NTRK2: variants seen among roughly 807,000 people sequenced by gnomAD.
The protein encoded by NTRK2 is BDNF/NT-3 growth factors receptor.
A neutral mutation model predicts 94.5 loss-of-function variants in NTRK2; 13 were observed. That is an observed-to-expected ratio of 0.14 (90% CI 0.09 to 0.22). The LOEUF (loss-of-function observed/expected upper bound fraction) is 0.22. NTRK2 is among the 10% of genes least tolerant of loss of function. NTRK2 has a pLI of 1.00. For missense variants in NTRK2, 639 were observed against 1,071.2 expected, an observed-to-expected ratio of 0.60 and a Z score of 5.63; for synonymous variants, 372 against 407.4, an observed-to-expected ratio of 0.91 and a Z score of 1.05.
chr9:84,954,389 G>C (rs1823851390), intron 16 of NTRK2, among the ~76,000 whole-genome samples: 1 of 152,226 alleles, frequency 6.6e-6, no homozygotes, highest in Non-Finnish European at 1.5e-5. Context: ...TTGCGTGTTA[G>C]GGTGCCCTAA....
chr9:84,903,978 T>C (rs2077005097), intron 14 of NTRK2, among the ~76,000 whole-genome samples: 2 of 152,212 alleles, frequency 1.3e-5, no homozygotes, highest in African/African-American at 4.8e-5. Context: ...AGCTCACAGA[T>C]GCTACAAAAC....
chr9:84,812,347 A>G, intron 12 of NTRK2: 3 of 1,058,866 alleles, frequency 2.8e-6, no homozygotes, highest in Non-Finnish European at 2.3e-6. Context: ...CTTCATACCC[A>G]TGCCTTAAAG....
At chr9:84,907,670 G>A (rs867593314) in intron 14 of NTRK2, among the ~76,000 whole-genome samples, 1 of 150,848 alleles carries the variant, frequency 6.6e-6, no homozygotes, top group Non-Finnish European at 1.5e-5. Flanking sequence ...TTGCCTCTTC[G>A]GAGGCATTAC....
chr9:84,848,218 A>G (rs926164263), intron 12 of NTRK2, among the ~76,000 whole-genome samples: 7 of 152,164 alleles, frequency 4.6e-5, no homozygotes, highest in Non-Finnish European at 8.8e-5. Context: ...TAAAGGCCCT[A>G]TCTCCAAATA....
In NTRK2 at chr9:84,948,455, T is replaced by C. The variant is rs2289658; in HGVS notation, c.1765-7T>C. 0.049 allele frequency: 79,870 copies of C among 1,613,678 alleles called. 2,691 individuals are homozygous for C. Among genetic ancestry groups the C allele is most frequent in the Admixed American group, 0.15 (9,193 of 59,948 alleles). On this transcript the variant is annotated splice_region_variant and splice_polypyrimidine_tract_variant and intron_variant, in intron 15 of 18. Transcript: ENST00000277120. ...AGTAATCCTTCTCTTTTAACACCCA[T>C]CCCCAGACCCTGAAGGATGCCAGTG... is the stretch of plus-strand genomic sequence containing the variant.
At chr9:84,824,502 G>A (rs373387369) in intron 12 of NTRK2, among the ~76,000 whole-genome samples, 3 of 152,242 alleles carry the variant, frequency 2.0e-5, no homozygotes, top group African/African-American at 7.2e-5. Flanking sequence ...AATGCATGGA[G>A]AGAGGGTGGC....
At chr9:84,970,571 G>A (rs180958747) in intron 17 of NTRK2, among the ~76,000 whole-genome samples, 2 of 152,054 alleles carry the variant, frequency 1.3e-5, no homozygotes, top group Non-Finnish European at 2.9e-5. Flanking sequence ...AAGAGCATCA[G>A]GGTGAGTCAG....
intron 12 of NTRK2, among the ~76,000 whole-genome samples, chr9:84,837,961 T>C (rs544684387): frequency 6.5e-4 from 99 of 152,292 alleles, no homozygotes; most frequent in African/African-American, 2.2e-3. Context: ...TTCTGGCTAA[T>C]GGCATAAGAC....
At chr9:84,674,183 T>C (rs1483441178) in intron 2 of NTRK2, among the ~76,000 whole-genome samples, 1 of 152,198 alleles carries the variant, frequency 6.6e-6, no homozygotes, top group Admixed American at 6.5e-5. Context: ...TGTGTATCCA[T>C]GTTGCTGTGG....
At chr9:84,835,590 G>C (rs1378539482) in intron 12 of NTRK2, among the ~76,000 whole-genome samples, 1 of 151,812 alleles carries the variant, frequency 6.6e-6, no homozygotes, top group Non-Finnish European at 1.5e-5. Flanking sequence ...ATGGCCCATT[G>C]GGTTGGCAGA....
intron 12 of NTRK2, among the ~76,000 whole-genome samples, chr9:84,853,697 T>C (rs2074901742): frequency 6.6e-6 from 1 of 152,180 alleles, no homozygotes; most frequent in African/African-American, 2.4e-5. Context: ...CAAATGCTGT[T>C]GGCGTCACCC....
intron 12 of NTRK2, chr9:84,811,743 T>C (rs1375291475): frequency 4.7e-6 from 5 of 1,065,536 alleles, no homozygotes; most frequent in South Asian, 4.5e-5. Flanking sequence ...AATGTCCTTC[T>C]TCATTGCTGA....
At chr9:84,914,847 A>G (rs558110147) in intron 14 of NTRK2, among the ~76,000 whole-genome samples, 2 of 152,306 alleles carry the variant, frequency 1.3e-5, no homozygotes, top group Non-Finnish European at 2.9e-5. Flanking sequence ...CAAAGTCTCC[A>G]GGTAGTCTGC....
At chr9:84,733,808 C>A (rs1345179544) in intron 9 of NTRK2, among the ~76,000 whole-genome samples, 2 of 152,206 alleles carry the variant, frequency 1.3e-5, no homozygotes, top group Admixed American at 6.5e-5. Flanking sequence ...TTTAAATCTT[C>A]TTTCTTGTGG....
intron 12 of NTRK2, chr9:84,814,847 G>A (rs1007320947): frequency 9.4e-7 from 1 of 1,063,686 alleles, no homozygotes; most frequent in Non-Finnish European, 1.1e-6. Flanking sequence ...AGAGCCCTTG[G>A]AGTTGCGCAG....
intron 12 of NTRK2, 26 bp downstream of exon 12, chr9:84,752,111 T>C (rs1023349879): frequency 6.4e-7 from 1 of 1,561,652 alleles, no homozygotes. Context: ...TTTATTTAGC[T>C]TCTTATGTGG....
chr9:84,883,428 G>A (rs909075868), intron 14 of NTRK2, among the ~76,000 whole-genome samples: 7 of 152,156 alleles, frequency 4.6e-5, no homozygotes, highest in African/African-American at 1.7e-4. Context: ...TCACTCATGC[G>A]GGTTTAGGGC....
intron 12 of NTRK2, among the ~76,000 whole-genome samples, chr9:84,838,833 A>G (rs2074017803): frequency 6.6e-6 from 1 of 152,234 alleles, no homozygotes; most frequent in Non-Finnish European, 1.5e-5. Context: ...TAAAATATAA[A>G]ATAACACTAC....
chr9:84,818,458 C>T (rs1263868681), intron 12 of NTRK2, among the ~76,000 whole-genome samples: 1 of 152,172 alleles, frequency 6.6e-6, no homozygotes, highest in African/African-American at 2.4e-5. Context: ...ACCCCTTGAT[C>T]CCAGCAAGTC....
Sources: allele counts gnomAD v4.1 joint callset (sites outside exome capture counted in the v4.1 genomes callset), GRCh38; gene constraint gnomAD v4.1.1; transcripts MANE v1.5; gene names NCBI Gene and HGNC (gene_info 2026-07-23, HGNC 2026-07-21).